The following KCNK2 variants were observed in gnomAD, a reference collection of about 807,000 sequenced individuals.
The protein encoded by KCNK2 is potassium channel subfamily K member 2.
A neutral mutation model predicts 40.5 loss-of-function variants in KCNK2; 21 were observed. The observed-to-expected ratio is 0.52, with a 90% CI of 0.37 to 0.75. The LOEUF (loss-of-function observed/expected upper bound fraction) is 0.75, where lower values mean the gene tolerates loss of function less well. Ranked by LOEUF, KCNK2 falls within the 30% of genes least tolerant of loss-of-function variation. The pLI, the probability that KCNK2 is intolerant of heterozygous loss-of-function variation, is 0.00. For synonymous variants in KCNK2, 191 were observed against 202.2 expected, an observed-to-expected ratio of 0.94 and a Z score of 0.47; for missense variants, 399 against 531.6, an observed-to-expected ratio of 0.75 and a Z score of 2.45.
At chr1:215,019,471 A>G (rs573266831) in intron 1 of KCNK2, among the ~76,000 whole-genome samples, 1 of 152,320 alleles carries the variant, frequency 6.6e-6, no homozygotes, top group East Asian at 1.9e-4. Context: ...TGTTCATGAC[A>G]ATGTCAGTTA....
At chr1:215,018,703 G>T (rs1006137134) in intron 1 of KCNK2, among the ~76,000 whole-genome samples, 1 of 152,132 alleles carries the variant, frequency 6.6e-6, no homozygotes, top group East Asian at 1.9e-4. Context: ...TCAAAATGAG[G>T]TTGGGGAATT....
intron 3 of KCNK2, among the ~76,000 whole-genome samples, chr1:215,167,496 A>G (rs947877514): frequency 1.5e-4 from 23 of 152,120 alleles, no homozygotes; most frequent in African/African-American, 4.8e-4. Context: ...ACCCAAGCAT[A>G]TATGTGTAGA....
At chr1:215,101,541 T>G (rs1660218496) in intron 2 of KCNK2, among the ~76,000 whole-genome samples, 1 of 151,814 alleles carries the variant, frequency 6.6e-6, no homozygotes, top group East Asian at 1.9e-4. Flanking sequence ...CTGTAGGGGA[T>G]GAGGTGAGGG....
chr1:215,141,852 T>C (rs1208449963), intron 3 of KCNK2, among the ~76,000 whole-genome samples: 1 of 152,128 alleles, frequency 6.6e-6, no homozygotes. Context: ...AGTTAATTCG[T>C]TGTTTTTAGA....
intron 6 of KCNK2, among the ~76,000 whole-genome samples, chr1:215,200,676 T>G (rs1665046314): frequency 6.6e-6 from 1 of 152,170 alleles, no homozygotes; most frequent in African/African-American, 2.4e-5. Context: ...ATCCAGATAC[T>G]ATCAAACGAA....
chr1:215,131,053 G>A (rs961301353), intron 3 of KCNK2, among the ~76,000 whole-genome samples: 8 of 150,732 alleles, frequency 5.3e-5, no homozygotes, highest in Non-Finnish European at 1.0e-4. Flanking sequence ...GTAGAGACGG[G>A]GTTTCACCGT....
upstream of KCNK2, among the ~76,000 whole-genome samples, chr1:215,082,615 AGG>A (rs1484505964): frequency 6.6e-6 from 1 of 151,986 alleles, no homozygotes. Flanking sequence ...GATCTTTAGA[AGG>A]GAGCATCTTG....
At chr1:215,210,011 AATATATAATATATATTATATATAAT>A (rs1213801718) in intron 6 of KCNK2, among the ~76,000 whole-genome samples, 62 of 22,154 alleles carry the variant, frequency 2.8e-3, no homozygotes, top group African/African-American at 0.014. Context: ...TATTATATAT[AATATATAATATATATTATATATAAT>A]ATATATAATA....
intron 3 of KCNK2, among the ~76,000 whole-genome samples, chr1:215,136,722 G>A (rs1023426496): frequency 2.0e-5 from 3 of 152,036 alleles, no homozygotes; most frequent in Non-Finnish European, 2.9e-5. Flanking sequence ...ATTGAACACC[G>A]GCTGATAAAG....
chr1:215,178,710 C>T (rs1298632566), intron 5 of KCNK2, among the ~76,000 whole-genome samples: 2 of 152,086 alleles, frequency 1.3e-5, no homozygotes, highest in Non-Finnish European at 2.9e-5. Context: ...ATGAAGTCTA[C>T]CTGATCATGT....
chr1:215,233,429 A>C (rs1415171876), intron 6 of KCNK2, among the ~76,000 whole-genome samples: 2 of 148,984 alleles, frequency 1.3e-5, no homozygotes, highest in African/African-American at 5.0e-5. Context: ...TGGATATTTG[A>C]AGTTTCATTT....
intron 1 of KCNK2, among the ~76,000 whole-genome samples, chr1:215,035,388 A>G (rs1262518740): frequency 1.3e-5 from 2 of 152,124 alleles, no homozygotes; most frequent in African/African-American, 2.4e-5. Flanking sequence ...CGATCACTCT[A>G]CAAATTACTC....
intron 2 of KCNK2, among the ~76,000 whole-genome samples, chr1:215,089,837 TTA>T (rs199860714): frequency 0.012 from 797 of 67,338 alleles, 19 homozygotes; most frequent in African/African-American, 0.029. Flanking sequence ...TTTTTTTTTT[TTA>T]TTTTGAAACA....
At chr1:215,168,178 A>G (rs974356677) in intron 3 of KCNK2, among the ~76,000 whole-genome samples, 5 of 152,196 alleles carry the variant, frequency 3.3e-5, no homozygotes, top group African/African-American at 1.2e-4. Flanking sequence ...AACTCATGCT[A>G]GTCAGAATGG....
At chr1:215,007,007 A>ATGTGTGTG (rs1656150793) in intron 1 of KCNK2, among the ~76,000 whole-genome samples, 1 of 10,964 alleles carries the variant, frequency 9.1e-5, no homozygotes, top group African/African-American at 1.6e-4. Flanking sequence ...CTATATATAT[A>ATGTGTGTG]TATATATATA....
chr1:215,233,530 CATATT>C (rs1666759621), intron 6 of KCNK2, among the ~76,000 whole-genome samples: 3 of 151,880 alleles, frequency 2.0e-5, no homozygotes, highest in Non-Finnish European at 4.4e-5. Context: ...GTGTACATAT[CATATT>C]ATAATATCTA....
intron 3 of KCNK2, among the ~76,000 whole-genome samples, chr1:215,164,256 A>C (rs1196683560): frequency 6.6e-6 from 1 of 152,200 alleles, no homozygotes; most frequent in Admixed American, 6.6e-5. Flanking sequence ...CTGTGGGATC[A>C]GTGGTGATAT....
intron 6 of KCNK2, among the ~76,000 whole-genome samples, chr1:215,212,267 T>C (rs574465042): frequency 5.3e-5 from 8 of 152,282 alleles, no homozygotes; most frequent in Admixed American, 6.5e-5. Flanking sequence ...GGACTCCCTG[T>C]TTTCTAGCTA....
At chr1:215,091,144 A>C (rs1659678176) in intron 2 of KCNK2, among the ~76,000 whole-genome samples, 1 of 152,194 alleles carries the variant, frequency 6.6e-6, no homozygotes, top group South Asian at 2.1e-4. Context: ...GCATTTAATG[A>C]GAGGAAGATA....
Sources: allele counts gnomAD v4.1 joint callset (sites outside exome capture counted in the v4.1 genomes callset), GRCh38; gene constraint gnomAD v4.1.1; transcripts MANE v1.5; gene names NCBI Gene and HGNC (gene_info 2026-07-23, HGNC 2026-07-21).